The following SLC49A4 variants were observed in gnomAD, a reference collection of about 807,000 sequenced individuals.
SLC49A4 encodes the protein disrupted in renal cancer protein 2.
In SLC49A4, 36 loss-of-function variants were observed where a neutral mutation model predicts 50.6. The observed-to-expected ratio is 0.71, with a 90% CI of 0.55 to 0.94. SLC49A4 has a LOEUF of 0.94. SLC49A4 is among the 40% of genes least tolerant of loss of function. SLC49A4 has a pLI of 0.00. For missense variants in SLC49A4, 503 were observed against 605.7 expected, an observed-to-expected ratio of 0.83 and a Z score of 1.78; for synonymous variants, 248 against 241.2, an observed-to-expected ratio of 1.03 and a Z score of -0.26.
At chr3:122,865,000 C>A (rs1937098100) in intron 7 of SLC49A4, among the ~76,000 whole-genome samples, 1 of 152,098 alleles carries the variant, frequency 6.6e-6, no homozygotes, top group African/African-American at 2.4e-5. Context: ...AGAGTGAGAT[C>A]CTGTCTCTTA....
intron 5 of SLC49A4, among the ~76,000 whole-genome samples, chr3:122,855,623 A>G (rs1248166317): frequency 6.6e-6 from 1 of 152,208 alleles, no homozygotes; most frequent in Non-Finnish European, 1.5e-5. Flanking sequence ...TGGCCACACA[A>G]GCAGGAAAGA....
chr3:122,818,376 G>T (rs1471866182), intron 2 of SLC49A4, among the ~76,000 whole-genome samples: 1 of 152,140 alleles, frequency 6.6e-6, no homozygotes, highest in Admixed American at 6.5e-5. Context: ...CTGAAGAAAA[G>T]ACTGGAAAAT....
intron 5 of SLC49A4, among the ~76,000 whole-genome samples, chr3:122,850,871 C>T (rs1192539079): frequency 6.6e-6 from 1 of 152,144 alleles, no homozygotes; most frequent in Non-Finnish European, 1.5e-5. Context: ...TGCCATCTTA[C>T]TATTGGTCTT....
chr3:122,810,296 A>AT, intron 2 of SLC49A4, among the ~76,000 whole-genome samples: 1 of 152,306 alleles, frequency 6.6e-6, no homozygotes, highest in Non-Finnish European at 1.5e-5. Context: ...GGAAAAAATT[A>AT]TTTTGCCACG....
At chr3:122,833,498 C>T in intron 4 of SLC49A4, 52 bp downstream of exon 4, 1 of 1,491,384 alleles carries the variant, frequency 6.7e-7, no homozygotes, top group Non-Finnish European at 9.0e-7. Context: ...TTCAAGGTAA[C>T]TTCAGATTTT....
chr3:122,811,528 C>G (rs1421123361), intron 2 of SLC49A4, among the ~76,000 whole-genome samples: 5 of 152,176 alleles, frequency 3.3e-5, no homozygotes, highest in African/African-American at 9.7e-5. Flanking sequence ...TTACCAGATT[C>G]AAATATACAT....
intron 7 of SLC49A4, among the ~76,000 whole-genome samples, chr3:122,867,932 G>A (rs1265692919): frequency 5.3e-5 from 8 of 151,512 alleles, no homozygotes; most frequent in African/African-American, 1.5e-4. Flanking sequence ...TGGCTAACAC[G>A]GTGAAACCCT....
intron 1 of SLC49A4, among the ~76,000 whole-genome samples, chr3:122,805,404 G>T (rs948132246): frequency 1.3e-5 from 2 of 152,120 alleles, no homozygotes; most frequent in African/African-American, 2.4e-5. Flanking sequence ...TGCTATGTTT[G>T]ATCTGCATAA....
chr3:122,872,381 G>A (rs1344128008), intron 7 of SLC49A4, 34 bp from the exon 8 acceptor site: 17 of 1,558,278 alleles, frequency 1.1e-5, no homozygotes, highest in Non-Finnish European at 1.5e-5. Flanking sequence ...ACTGCCGCTA[G>A]TGTGAAACTA....
intron 4 of SLC49A4, among the ~76,000 whole-genome samples, chr3:122,833,706 A>G (rs1433802151): frequency 6.6e-6 from 1 of 152,106 alleles, no homozygotes; most frequent in African/African-American, 2.4e-5. Flanking sequence ...TAAAAATCAA[A>G]TATTTTATTT....
intron 2 of SLC49A4, among the ~76,000 whole-genome samples, chr3:122,818,858 GT>G (rs773983259): frequency 2.0e-4 from 30 of 151,778 alleles, no homozygotes; most frequent in Non-Finnish European, 3.1e-4. Flanking sequence ...CAGGAGAATA[GT>G]TTGAACCCAG....
chr3:122,804,460 C>T (rs778808795), intron 1 of SLC49A4, among the ~76,000 whole-genome samples: 3 of 152,196 alleles, frequency 2.0e-5, no homozygotes, highest in Non-Finnish European at 2.9e-5. Flanking sequence ...CCTCATAACT[C>T]CTTTCCCTTG....
chr3:122,852,058 A>T (rs1936933969), intron 5 of SLC49A4, among the ~76,000 whole-genome samples: 1 of 141,682 alleles, frequency 7.1e-6, no homozygotes, highest in Non-Finnish European at 1.5e-5. Context: ...CAGCGGCGTG[A>T]TCAGCTCACT....
chr3:122,795,518 G>A lies in SLC49A4; in HGVS notation c.326G>A (p.Trp109Ter), dbSNP rs779701775. 6.2e-7 allele frequency: 1 copy of A among 1,600,312 alleles called. No individual in the cohort carries two copies. Among genetic ancestry groups the A allele is most frequent in the Admixed American group, 1.7e-5 (1 of 59,548 alleles). Residue 109 changes from tryptophan (W) to a stop codon, truncating the protein, a stop_gained, in exon 1 of 9, where the codon TGG (tryptophan) becomes TAG (stop). Transcript: ENST00000261038. LOFTEE classifies it high-confidence loss of function. ...TTCCTGCCCTGCTTCGCGTTCATGT[G>A]GCTCCTGGACAAGAGAGGTGAGGGG... Reference protein sequence around the residue: ...IGFLPCFAFMWLLDKRGLRIT... With the variant: ...IGFLPCFAFM
intron 1 of SLC49A4, among the ~76,000 whole-genome samples, chr3:122,798,634 CTTTTTTTTTT>C (rs71136594): frequency 4.6e-4 from 29 of 62,840 alleles, no homozygotes; most frequent in Non-Finnish European, 6.9e-4. Context: ...ACTAAAATAT[CTTTTTTTTTT>C]TTTTTTTTTT....
At chr3:122,870,944 T>G (rs1355551282) in intron 7 of SLC49A4, among the ~76,000 whole-genome samples, 2 of 152,102 alleles carry the variant, frequency 1.3e-5, no homozygotes, top group African/African-American at 4.8e-5. Flanking sequence ...ATGAGTCATA[T>G]GTAAGTAGAA....
At position 122,833,396 on chromosome 3, in the gene SLC49A4, T is replaced by G. The variant is rs768760124; in HGVS notation, c.783T>G (p.Ala261=). The change falls in exon 4 of 9, where the codon GCT becomes GCG. Residue 261 remains alanine (A), a synonymous_variant. Coordinates refer to ENST00000261038, the MANE Select transcript of SLC49A4 (RefSeq NM_032839.3). The part of the protein sequence containing the change: ...PPRPPLPPSV[A]AASQRLSYRR... ...GACCTCCTCTTCCTCCCAGTGTTGC[T>G]GCAGCTAGCCAGCGGCTGAGTTATC... 1.1e-5 allele frequency: 17 copies of G among 1,613,760 alleles called. No individual in the cohort carries two copies. The highest frequency in any genetic ancestry group is 1.4e-5 in the Non-Finnish European group (16 of 1,179,738).
chr3:122,802,310 C>T (rs1041715556), intron 1 of SLC49A4, among the ~76,000 whole-genome samples: 1 of 152,134 alleles, frequency 6.6e-6, no homozygotes, highest in Non-Finnish European at 1.5e-5. Context: ...ATGGGGAGCT[C>T]AGTCAGAGCC....
chr3:122,798,630 A>T (rs1051135251), intron 1 of SLC49A4, among the ~76,000 whole-genome samples: 4 of 128,842 alleles, frequency 3.1e-5, no homozygotes, highest in African/African-American at 8.5e-5. Context: ...GGGTACTAAA[A>T]TATCTTTTTT....
Sources: allele counts gnomAD v4.1 joint callset (sites outside exome capture counted in the v4.1 genomes callset), GRCh38; gene constraint gnomAD v4.1.1; transcripts MANE v1.5; gene names NCBI Gene and HGNC (gene_info 2026-07-23, HGNC 2026-07-21).